The following ZMYND8 variants were observed in gnomAD, a reference collection of about 807,000 sequenced individuals.
ZMYND8 encodes the protein zinc finger MYND-type containing 8.
Under a neutral mutation model 140.8 loss-of-function variants are expected in ZMYND8, and 37 were observed. The ratio of observed to expected loss-of-function variants is 0.26; its 90% CI spans 0.20 to 0.35. The LOEUF (loss-of-function observed/expected upper bound fraction) is 0.35, where lower values mean the gene tolerates loss of function less well. Ranked by LOEUF, ZMYND8 falls within the 10% of genes least tolerant of loss-of-function variation. ZMYND8 has a pLI of 1.00. For synonymous variants in ZMYND8, 592 were observed against 597.1 expected (o/e 0.99, Z 0.12); for missense variants, 1,068 against 1,570.0 (o/e 0.68, Z 5.40).
At position 47,324,687 on chromosome 20, in the gene ZMYND8, T is replaced by C. The variant is rs1240962802; in HGVS notation, c.86-14483A>G. Among the ~76,000 whole-genome samples the C allele has an allele frequency of 2.6e-5, 4 of 152,094 alleles. No individual in the cohort carries two copies. In the East Asian group the frequency reaches 7.8e-4, roughly 29 times the overall value. On this transcript the variant is annotated intron_variant, in intron 2 of 22. Transcript: ENST00000471951. Reference sequence around the variant, plus strand: ...TCACTCAGCTCCAACCCCAATGGCCTCCTTTCAGCTCCTTAGACAAGCTCC... The same window carrying C: ...TCACTCAGCTCCAACCCCAATGGCCCCCTTTCAGCTCCTTAGACAAGCTCC...
In ZMYND8 at chr20:47,274,718, A is replaced by C. The variant is rs188712057; in HGVS notation, c.1480+1596T>G. Reference sequence around the variant, plus strand: ...AGCTATGAATCAGAACTAGAGAAAGATATAGACTGCAGCCTTTATTTTACA... The same window carrying C: ...AGCTATGAATCAGAACTAGAGAAAGCTATAGACTGCAGCCTTTATTTTACA... On this transcript the variant is annotated intron_variant, in intron 11 of 22. Coordinates refer to ENST00000471951, the MANE Select transcript of ZMYND8 (RefSeq NM_001281775.3). Among the ~76,000 whole-genome samples, 587 of 152,316 alleles carry C rather than the reference A, an allele frequency of 3.9e-3. 5 individuals are homozygous for C. The highest frequency in any genetic ancestry group is 4.5e-3 in the Non-Finnish European group (305 of 68,030).
At chr20:47,322,519 C>T (rs999906015) in intron 2 of ZMYND8, among the ~76,000 whole-genome samples, 2 of 149,980 alleles carry the variant, frequency 1.3e-5, no homozygotes, top group Non-Finnish European at 3.0e-5. Flanking sequence ...TGGCTCACTG[C>T]GACCTCCGCC....
intron 11 of ZMYND8, among the ~76,000 whole-genome samples, chr20:47,267,858 C>G (rs777690305): frequency 1.3e-5 from 2 of 152,222 alleles, no homozygotes; most frequent in African/African-American, 2.4e-5. Flanking sequence ...AAGGCTTTCA[C>G]GCCCACCCTA....
intron 21 of ZMYND8, among the ~76,000 whole-genome samples, chr20:47,218,329 C>T (rs1333369018): frequency 1.3e-5 from 2 of 152,220 alleles, no homozygotes; most frequent in Non-Finnish European, 2.9e-5. Flanking sequence ...AAAACCCTAA[C>T]AGCACCCCTC....
intron 12 of ZMYND8, among the ~76,000 whole-genome samples, chr20:47,250,516 C>A (rs1009968774): frequency 2.6e-5 from 4 of 152,202 alleles, no homozygotes; most frequent in African/African-American, 9.7e-5. Context: ...CTGTTCCCAA[C>A]AGCTATCAGG....
intron 2 of ZMYND8, among the ~76,000 whole-genome samples, chr20:47,333,411 G>A (rs1328163415): frequency 1.3e-5 from 2 of 151,730 alleles, no homozygotes; most frequent in Non-Finnish European, 2.9e-5. Flanking sequence ...AGACCAGCCT[G>A]GCCAACAGGT....
rs140848740 is a variant in ZMYND8, at chr20:47,255,902, T to C, written c.1621+6386A>G. On this transcript the variant is annotated intron_variant, in intron 12 of 22. Transcript: ENST00000471951. Reference sequence around the variant, plus strand: ...CAGCCTGGCCAACATGGTGAAACCCTATCTCTACTAAATACAAAAAATTAG... The same window carrying C: ...CAGCCTGGCCAACATGGTGAAACCCCATCTCTACTAAATACAAAAAATTAG... Among the ~76,000 whole-genome samples, 1,105 of 149,702 alleles carry C rather than the reference T, an allele frequency of 7.4e-3. 62 individuals are homozygous for C. The East Asian group carries it at 0.15, about 21-fold the overall frequency.
At chr20:47,319,353 C>A (rs1601889194) in intron 2 of ZMYND8, 1 of 255,598 alleles carries the variant, frequency 3.9e-6, no homozygotes, top group Non-Finnish European at 7.9e-6. Flanking sequence ...GTTCTGCTGG[C>A]CGAGGTGACA....
intron 2 of ZMYND8, among the ~76,000 whole-genome samples, chr20:47,324,312 T>A (rs1366786976): frequency 6.6e-6 from 1 of 150,738 alleles, no homozygotes; most frequent in Non-Finnish European, 1.5e-5. Context: ...AAGTCAGGAG[T>A]TCGAGACCAG....
Position 47,246,191 on chromosome 20 carries a change from G to A in ZMYND8, c.2101C>T (p.Pro701Ser), listed in dbSNP as rs375965180. ...PEKDFSEKAK[P>S]SPHPIKDKLK... ...TTATCCTTTATGGGGTGAGGTGAAGGTTTTGCCTTTTCGGAAAAGTCCTTC... is the reference window on the plus strand; with the variant it reads ...TTATCCTTTATGGGGTGAGGTGAAGATTTTGCCTTTTCGGAAAAGTCCTTC... Residue 701 changes from proline to serine, a missense_variant, in exon 14 of 23, where the codon CCT becomes TCT. This residue lies in a region of ZMYND8 where 383 missense variants were observed against 431.2 expected (regional missense o/e 0.89). Coordinates refer to ENST00000471951, the MANE Select transcript of ZMYND8 (RefSeq NM_001281775.3). The A allele has an allele frequency of 1.2e-6, 2 of 1,614,016 alleles. No homozygotes were observed. Among genetic ancestry groups the A allele is most frequent in the Non-Finnish European group, 8.5e-7 (1 of 1,180,050 alleles).
In ZMYND8 at chr20:47,298,941, G is replaced by A. The variant is rs1327040530; in HGVS notation, c.241C>T (p.Leu81=). The change falls in exon 4 of 23, where the codon CTA becomes TTA. Residue 81 remains leucine (L), a synonymous_variant. Coordinates refer to ENST00000471951, the MANE Select transcript of ZMYND8 (RefSeq NM_001281775.3). This position sits in a 1 kb window ranked among gnomAD's most constrained non-coding sequence, Gnocchi z 5.0. The part of the protein sequence containing the change: ...LNSNNKEQSE[L]RHGPFYYMKQ... ...ATATAGTAAAACGGACCATGTCTTA[G>A]TTCTGACTGAAATGTAGGCAAAAAG... The A allele has an allele frequency of 1.2e-6, 2 of 1,613,842 alleles. No homozygotes were observed. Among genetic ancestry groups the A allele is most frequent in the Non-Finnish European group, 1.7e-6 (2 of 1,179,752 alleles).
chr20:47,303,045 T>C (rs1469576349), intron 3 of ZMYND8, among the ~76,000 whole-genome samples: 1 of 152,018 alleles, frequency 6.6e-6, no homozygotes, highest in Non-Finnish European at 1.5e-5. Context: ...ACCAAAAACG[T>C]CTCCAGACTT....
intron 14 of ZMYND8, among the ~76,000 whole-genome samples, chr20:47,240,656 G>A (rs912070314): frequency 6.6e-6 from 1 of 151,696 alleles, no homozygotes; most frequent in Non-Finnish European, 1.5e-5. Flanking sequence ...CTGAGTTCAA[G>A]CGATTCTCCT....
chr20:47,253,589 T>C (rs1274805965), intron 12 of ZMYND8, among the ~76,000 whole-genome samples: 2 of 151,424 alleles, frequency 1.3e-5, no homozygotes, highest in Admixed American at 6.6e-5. Context: ...GTGATCCTAA[T>C]TGGCAGCTAA....
At chr20:47,217,664 A>G (rs2036321366) in intron 21 of ZMYND8, among the ~76,000 whole-genome samples, 1 of 151,574 alleles carries the variant, frequency 6.6e-6, no homozygotes, top group Non-Finnish European at 1.5e-5. Flanking sequence ...TTACCTGGGC[A>G]TCTGAGTTAA....
At chr20:47,300,992 A>C (rs1457327592) in intron 3 of ZMYND8, among the ~76,000 whole-genome samples, 3 of 150,102 alleles carry the variant, frequency 2.0e-5, no homozygotes. Context: ...GGCTGGTATT[A>C]AGAGGTTTTA....
intron 12 of ZMYND8, among the ~76,000 whole-genome samples, chr20:47,256,687 A>G (rs1355354035): frequency 1.3e-5 from 2 of 152,184 alleles, no homozygotes; most frequent in East Asian, 3.8e-4. Flanking sequence ...TCCCCACCTC[A>G]TTCACTCTAA....
intron 19 of ZMYND8, among the ~76,000 whole-genome samples, chr20:47,224,075 G>C (rs2037365465): frequency 6.6e-6 from 1 of 152,164 alleles, no homozygotes; most frequent in Non-Finnish European, 1.5e-5. Flanking sequence ...TGACACTTTA[G>C]GCCTGAGAAG....
chr20:47,331,716 AAG>A (rs1378949984), intron 2 of ZMYND8, among the ~76,000 whole-genome samples: 3 of 152,154 alleles, frequency 2.0e-5, no homozygotes, highest in African/African-American at 4.8e-5. Context: ...AAGGCAAAGG[AAG>A]AGAGAGTGTC....
Sources: gnomAD v4.1 joint callset for allele counts (sites outside exome capture counted in the v4.1 genomes callset) on GRCh38, gnomAD v4.1.1 for gene constraint, gnomAD v4.1.1 regional missense constraint, Gnocchi (gnomAD v3.1) non-coding constraint, MANE v1.5 for transcripts, NCBI Gene and HGNC (gene_info 2026-07-23, HGNC 2026-07-21) for gene names.